The following GPR179 variants were observed in gnomAD, a reference collection of about 807,000 sequenced individuals.
GPR179 encodes the protein probable G protein-coupled receptor 179.
A neutral mutation model predicts 70.8 loss-of-function variants in GPR179; 52 were observed. That is an observed-to-expected ratio of 0.73 (90% confidence interval 0.59 to 0.93). GPR179 has a LOEUF of 0.93. Ranked by LOEUF, GPR179 falls within the 40% of genes least tolerant of loss-of-function variation. GPR179 has a pLI of 0.00. For missense variants in GPR179, 2,734 were observed against 2,966.8 expected, an observed-to-expected ratio of 0.92 and a Z score of 1.82; for synonymous variants, 1,123 against 1,169.0, an observed-to-expected ratio of 0.96 and a Z score of 0.80.
At position 38,339,472 on chromosome 17, in the gene GPR179, G is replaced by C. The variant is rs1220170399; in HGVS notation, c.848C>G (p.Ala283Gly). Residue 283 changes from alanine (A) to glycine (G), a missense_variant, in exon 2 of 11, where the codon GCA (alanine) becomes GGA (glycine). Coordinates refer to ENST00000616987, the MANE Select transcript of GPR179 (RefSeq NM_001004334.4). ...GTTAGAGTACCAGCCTGGGCCACTT[G>C]CACACTGATTGATGTCCACACTCTG... The part of the protein sequence containing the change: ...DLQSVDINQC[A>G]SGPGWYSNTH... 6.2e-7 allele frequency: 1 copy of C among 1,614,024 alleles called. No individual in the cohort carries two copies. Among genetic ancestry groups the C allele is most frequent in the African/African-American group, 1.3e-5 (1 of 75,022 alleles).
rs1186105952 is a variant in GPR179 at position 38,337,704 on chromosome 17, C to G, written c.920G>C (p.Ser307Thr). The change falls in exon 3 of 11, where the codon AGT becomes ACT. Residue 307 changes from serine to threonine, a missense_variant. Physicochemically the swap from Ser to Thr is moderately conservative, Grantham distance 58 (BLOSUM62 1). Coordinates refer to ENST00000616987, the MANE Select transcript of GPR179 (RefSeq NM_001004334.4). ...GTAGCGGCCAAGAACAAAGCCCTGA[C>G]TCTCCAGGGGGACACACTATGGGGA... ...LNSTQCVPLE[S>T]QGFVLGRYLC... The G allele has an allele frequency of 1.2e-6, 2 of 1,613,694 alleles. No homozygotes were observed. Among genetic ancestry groups the G allele is most frequent in the African/African-American group, 2.7e-5 (2 of 74,918 alleles).
Position 38,331,098 on chromosome 17 carries a change from G to A in GPR179, c.2471C>T (p.Thr824Met), listed in dbSNP as rs757140865. Residue 824 changes from threonine (T) to methionine (M), a missense_variant, in exon 11 of 11, where the codon ACG (threonine) becomes ATG (methionine). Coordinates refer to ENST00000616987, the MANE Select transcript of GPR179 (RefSeq NM_001004334.4). The part of the protein sequence containing the change: ...GFRSASAHNL[T>M]VGERLPRARP... ...GGCTCTGGGTAGCCTCTCTCCCACCGTCAGGTTGTGGGCGCTGGCTGACCT... is the reference window on the plus strand; with the variant it reads ...GGCTCTGGGTAGCCTCTCTCCCACCATCAGGTTGTGGGCGCTGGCTGACCT... The A allele has an allele frequency of 1.4e-5, 22 of 1,601,388 alleles. No individual in the cohort carries two copies. Among genetic ancestry groups the A allele is most frequent in the Middle Eastern group, 1.7e-4 (1 of 5,840 alleles).
At chr17:38,335,447 C>CA in intron 6 of GPR179, 144 bp downstream of exon 6, 1 of 761,638 alleles carries the variant, frequency 1.3e-6, no homozygotes, top group Admixed American at 2.4e-5. Flanking sequence ...ACATGGAAGA[C>CA]AAGGCTATGG....
In GPR179 at chr17:38,325,809, C is replaced by T. The variant is rs1471997478; in HGVS notation, c.*656G>A. On this transcript the variant is annotated 3_prime_UTR_variant, in exon 11 of 11. Coordinates refer to ENST00000616987, the MANE Select transcript of GPR179 (RefSeq NM_001004334.4). ...TCAGCGTGCCTGATTGTTTCTGCTT[C>T]AGCAGTCAAGCAGGGCAGGTATGAG... 6.6e-6 allele frequency: 1 copy of T among 152,282 alleles called. No homozygotes were observed. Among genetic ancestry groups the T allele is most frequent in the Non-Finnish European group, 1.5e-5 (1 of 68,046 alleles). 9.4% of individuals were successfully genotyped at this position (152,282 alleles called of 1,614,324 possible).
rs758212683 is a variant in GPR179, at chr17:38,331,080, G to C, written c.2489C>G (p.Pro830Arg). The C allele has an allele frequency of 4.4e-6, 7 of 1,600,136 alleles. No individual in the cohort carries two copies. In the Admixed American group the frequency reaches 8.4e-5, roughly 19 times the overall value. The change falls in exon 11 of 11, where the codon CCC becomes CGC. Residue 830 changes from proline (P) to arginine (R), a missense_variant. Pro to Arg is a moderately radical substitution (Grantham distance 103, BLOSUM62 -2). Transcript: ENST00000616987. ...AHNLTVGERL[P>R]RARPASLQKS... ...CTGCAGAGAGGCGGGCCGGGCTCTG[G>C]GTAGCCTCTCTCCCACCGTCAGGTT...
chr17:38,342,491 T>C (rs1205999219), intron 1 of GPR179, among the ~76,000 whole-genome samples: 3 of 152,072 alleles, frequency 2.0e-5, no homozygotes, highest in Non-Finnish European at 4.4e-5. Context: ...AGGTACTCGC[T>C]ACCACACCCA....
rs899430418 is a variant in GPR179, at chr17:38,325,028, C to G, written c.*1437G>C. Among the ~76,000 whole-genome samples, 1 of 152,136 alleles carries G rather than the reference C, an allele frequency of 6.6e-6. No individual in the cohort carries two copies. The highest frequency in any genetic ancestry group is 2.4e-5 in the African/African-American group (1 of 41,412). ...TGACATCAATGTCTGTACTGTTGTACTGTTAGAGGGCGTGACTTACTGCCA... is the reference window on the plus strand; with the variant it reads ...TGACATCAATGTCTGTACTGTTGTAGTGTTAGAGGGCGTGACTTACTGCCA... On this transcript the variant is annotated 3_prime_UTR_variant, in exon 11 of 11. Coordinates refer to ENST00000616987, the MANE Select transcript of GPR179 (RefSeq NM_001004334.4).
In GPR179 at chr17:38,331,600, C is replaced by G. The variant is rs2037361146; in HGVS notation, c.2038-69G>C. On this transcript the variant is annotated intron_variant, in intron 10 of 10. Transcript: ENST00000616987. ...CTCCATCCCCTGGCTGTCTGTTCCT[C>G]CACCCTTGCCTAGACCTTTTTCCCT... is the stretch of plus-strand genomic sequence containing the variant. 4.6e-6 allele frequency: 7 copies of G among 1,531,468 alleles called. 1 individual carries two copies. In the South Asian group the frequency reaches 7.7e-5, roughly 17 times the overall value. The allele number at this position is 1,531,468 out of a possible 1,614,324, so 94.9% of individuals were successfully genotyped here. A position where few individuals can be genotyped will look rare whatever the true frequency, so the allele number is the denominator to read the frequency against.
Position 38,328,453 on chromosome 17 carries a change from GAC to G in GPR179, c.5114_5115del (p.Cys1705SerfsTer17), listed in dbSNP as rs1280411074. The G allele has an allele frequency of 6.2e-7, 1 of 1,614,076 alleles. No individual in the cohort carries two copies. Among genetic ancestry groups the G allele is most frequent in the African/African-American group, 1.3e-5 (1 of 74,920 alleles). On this transcript the variant is annotated frameshift_variant, in exon 11 of 11. Transcript: ENST00000616987. LOFTEE classifies it low-confidence loss of function (END_TRUNC). ...ENLTAGKAEI[C>X]PWEVGAGAGE... ...CCTGCTCCAGCACCCACCTCCCAGGGACAGATTTCTGCCTTCCCAGCAGTCAA... is the reference window on the plus strand; with the variant it reads ...CCTGCTCCAGCACCCACCTCCCAGGGAGATTTCTGCCTTCCCAGCAGTCAA...
rs995893284 is a variant in GPR179, at chr17:38,337,168, G to A, written c.1037C>T (p.Pro346Leu). 5.0e-6 allele frequency: 8 copies of A among 1,613,004 alleles called. No homozygotes were observed. In the Admixed American group the frequency reaches 5.0e-5, roughly 10 times the overall value. Residue 346 changes from proline to leucine, a missense_variant, in exon 4 of 11, where the codon CCA (proline) becomes CTA (leucine). Physicochemically the swap from Pro to Leu is moderately conservative, Grantham distance 98. Transcript: ENST00000616987. ...CAGCAGTCTCCCAGATCTGCCTTCTGGGAACCCGAATTGCCCGGTAGTCTG... is the reference window on the plus strand; with the variant it reads ...CAGCAGTCTCCCAGATCTGCCTTCTAGGAACCCGAATTGCCCGGTAGTCTG... ...DFQTTGQFGF[P>L]EGRSGRLLQC...
rs900528562 is a variant in GPR179 at position 38,326,162 on chromosome 17, C to T, written c.*303G>A. 10 of 336,818 alleles carry T rather than the reference C, an allele frequency of 3.0e-5. No individual in the cohort carries two copies. Among genetic ancestry groups the T allele is most frequent in the African/African-American group, 1.3e-4 (6 of 47,432 alleles). The allele number at this position is 336,818 out of a possible 1,614,324, so 20.9% of individuals were successfully genotyped here. A position where few individuals can be genotyped will look rare whatever the true frequency, so the allele number is the denominator to read the frequency against. On this transcript the variant is annotated 3_prime_UTR_variant, in exon 11 of 11. Transcript: ENST00000616987. ...GGCTTTGTGGGTGAGTGTCCAGACTCGGGTGGTTTGTGTTGTGAGTACTGT... is the reference window on the plus strand; with the variant it reads ...GGCTTTGTGGGTGAGTGTCCAGACTTGGGTGGTTTGTGTTGTGAGTACTGT...
chr17:38,337,798 G>GTA, intron 2 of GPR179, 78 bp from the exon 3 acceptor site: 1 of 1,229,962 alleles, frequency 8.1e-7, no homozygotes, highest in Non-Finnish European at 1.2e-6. Context: ...AGAGATGGAG[G>GTA]GTCCATCTAC....
At position 38,338,882 on chromosome 17, in the gene GPR179, T is replaced by C. The variant is rs117109829; in HGVS notation, c.903+535A>G. 1.4e-3 allele frequency among the ~76,000 whole-genome samples: 216 copies of C among 152,356 alleles called. 6 individuals carry two copies. In the East Asian group the frequency reaches 0.037, roughly 26 times the overall value. On this transcript the variant is annotated intron_variant, in intron 2 of 10. Coordinates refer to ENST00000616987, the MANE Select transcript of GPR179 (RefSeq NM_001004334.4). ...CCGTAGCTTTGAATCTACCTGCATC[T>C]GGCCCAGGTTCCATCACATTCACTG... is the stretch of plus-strand genomic sequence containing the variant.
rs1467162499 is a variant in GPR179 at position 38,327,751 on chromosome 17, CTG to C, written c.5816_5817del (p.Thr1939ArgfsTer6). 1.2e-6 allele frequency: 2 copies of C among 1,614,186 alleles called. No homozygotes were observed. Among genetic ancestry groups the C allele is most frequent in the Non-Finnish European group, 8.5e-7 (1 of 1,180,040 alleles). On this transcript the variant is annotated frameshift_variant, in exon 11 of 11. Transcript: ENST00000616987. LOFTEE classifies it low-confidence loss of function (END_TRUNC). Reference protein sequence around the residue: ...ITQEKAPAADTEEFTTEDGEK... With the variant: ...ITQEKAPAADXEEFTTEDGEK... ...TCCCCATCTTCAGTAGTGAATTCTT[CTG>C]TGTCTGCAGCTGGAGCTTTTTCTTG...
chr17:38,326,844 C>G lies in GPR179; in HGVS notation c.6725G>C (p.Cys2242Ser), dbSNP rs749261908. The G allele has an allele frequency of 1.9e-6, 3 of 1,614,112 alleles. No homozygotes were observed. Among genetic ancestry groups the G allele is most frequent in the African/African-American group, 2.7e-5 (2 of 74,944 alleles). Residue 2242 changes from cysteine to serine, a missense_variant, in exon 11 of 11, where the codon TGT (cysteine) becomes TCT (serine). By Grantham distance (112) the Cys-to-Ser change is moderately radical. Coordinates refer to ENST00000616987, the MANE Select transcript of GPR179 (RefSeq NM_001004334.4). ...TGGGACTCCAGTTTCCTCCCCAGGA[C>G]AGATGTCTGCCATGGTACCCTTTAT... is the stretch of plus-strand genomic sequence containing the variant. ...NKIKGTMADI[C>S]PGEETGVPSE...
chr17:38,333,829 C>T (rs555929884), intron 9 of GPR179, 104 bp downstream of exon 9: 9 of 811,952 alleles, frequency 1.1e-5, no homozygotes, highest in African/African-American at 3.5e-5. Flanking sequence ...CACCTTCTGT[C>T]GTCCTCACCC....
rs761623381 is a variant in GPR179, at chr17:38,327,967, G to C, written c.5602C>G (p.Gln1868Glu). The change falls in exon 11 of 11, where the codon CAA (glutamine) becomes GAA (glutamate). Residue 1868 changes from glutamine (Q) to glutamate (E), a missense_variant. Gln to Glu is a conservative substitution (Grantham distance 29). Coordinates refer to ENST00000616987, the MANE Select transcript of GPR179 (RefSeq NM_001004334.4). ...DVSKGMAKLC[Q>E]QQETICIWEN... ...CAAATACAAATAGTTTCCTGTTGTT[G>C]ACACAGTTTTGCCATCCCTTTTGAT... 13 of 1,614,146 alleles carry C rather than the reference G, an allele frequency of 8.1e-6. No individual in the cohort carries two copies. Among genetic ancestry groups the C allele is most frequent in the Non-Finnish European group, 1.1e-5 (13 of 1,180,030 alleles).
In GPR179 at chr17:38,331,127, G is replaced by T; in HGVS notation, c.2442C>A (p.Gly814=). The T allele has an allele frequency of 1.2e-6, 2 of 1,603,788 alleles. No individual in the cohort carries two copies. Among genetic ancestry groups the T allele is most frequent in the South Asian group, 2.2e-5 (2 of 90,836 alleles). ...GGTTGTGGGCGCTGGCTGACCTGAAGCCCAGGGCAGGGGGCCCCTCCACCG... is the reference window on the plus strand; with the variant it reads ...GGTTGTGGGCGCTGGCTGACCTGAATCCCAGGGCAGGGGGCCCCTCCACCG... ...RESVEGPPAL[G]FRSASAHNLT... The change falls in exon 11 of 11, where the codon GGC becomes GGA. Residue 814 remains glycine (G), a synonymous_variant. Coordinates refer to ENST00000616987, the MANE Select transcript of GPR179 (RefSeq NM_001004334.4).
chr17:38,340,077 G>A (rs1381036285), intron 1 of GPR179, among the ~76,000 whole-genome samples: 1 of 152,236 alleles, frequency 6.6e-6, no homozygotes, highest in Non-Finnish European at 1.5e-5. Context: ...CAGTTCTACA[G>A]GGCTGACCAT....
Sources: allele counts gnomAD v4.1 joint callset (sites outside exome capture counted in the v4.1 genomes callset), GRCh38; gene constraint gnomAD v4.1.1; transcripts MANE v1.5; gene names NCBI Gene and HGNC (gene_info 2026-07-23, HGNC 2026-07-21).